TNNI3K: variants seen among roughly 807,000 people sequenced by gnomAD.
TNNI3K encodes the protein TNNI3 interacting kinase.
A neutral mutation model predicts 114.5 loss-of-function variants in TNNI3K; 140 were observed. The observed-to-expected ratio is 1.22, with a 90% CI of 1.07 to 1.41. TNNI3K has a LOEUF of 1.41. Among genes scored for constraint, TNNI3K ranks in the 40% most tolerant of loss-of-function variants. TNNI3K has a pLI of 0.00. For synonymous variants in TNNI3K, 347 were observed against 347.5 expected, an observed-to-expected ratio of 1.00 and a Z score of 0.02; for missense variants, 1,125 against 1,007.6, an observed-to-expected ratio of 1.12 and a Z score of -1.58.
chr1:74,485,994 A>G (rs1371560656), intron 21 of TNNI3K, among the ~76,000 whole-genome samples: 2 of 152,180 alleles, frequency 1.3e-5, no homozygotes, highest in Non-Finnish European at 2.9e-5. Flanking sequence ...CGGCTAATCT[A>G]TACTGGACTC....
At chr1:74,495,795 C>T (rs1271013460) in intron 23 of TNNI3K, among the ~76,000 whole-genome samples, 1 of 152,118 alleles carries the variant, frequency 6.6e-6, no homozygotes, top group African/African-American at 2.4e-5. Flanking sequence ...AATATTTTGC[C>T]AATACTTGTA....
At chr1:74,244,008 A>T (rs1444623347) in intron 2 of TNNI3K, among the ~76,000 whole-genome samples, 1 of 152,154 alleles carries the variant, frequency 6.6e-6, no homozygotes, top group African/African-American at 2.4e-5. Flanking sequence ...GAGGCAAAAG[A>T]AGAGAAAATG....
chr1:74,239,516 T>A (rs1252595012), intron 2 of TNNI3K, among the ~76,000 whole-genome samples: 1 of 152,150 alleles, frequency 6.6e-6, no homozygotes, highest in African/African-American at 2.4e-5. Flanking sequence ...TATGTTATGT[T>A]GCCTGACATC....
At chr1:74,469,911 T>G (rs887377703) in intron 21 of TNNI3K, 7 of 400,548 alleles carry the variant, frequency 1.7e-5, no homozygotes, top group Admixed American at 4.4e-5. Context: ...TAGTAGCATA[T>G]TCAGCAGATG....
chr1:74,277,610 A>G (rs190861533), intron 5 of TNNI3K, among the ~76,000 whole-genome samples: 1 of 152,270 alleles, frequency 6.6e-6, no homozygotes, highest in Admixed American at 6.5e-5. Flanking sequence ...AACACTTTAT[A>G]CTTAAATAAC....
At chr1:74,357,379 A>G (rs1429802869) in intron 11 of TNNI3K, among the ~76,000 whole-genome samples, 2 of 152,156 alleles carry the variant, frequency 1.3e-5, no homozygotes, top group African/African-American at 4.8e-5. Context: ...CTCTTAACAG[A>G]AAACCATGCA....
chr1:74,443,019 G>A (rs1297852935), intron 20 of TNNI3K, among the ~76,000 whole-genome samples: 1 of 151,912 alleles, frequency 6.6e-6, no homozygotes, highest in East Asian at 1.9e-4. Context: ...AAGCAGCGTT[G>A]AGATAAATTT....
chr1:74,331,368 T>G lies in TNNI3K; in HGVS notation c.445-82T>G, dbSNP rs1423130174. The G allele has an allele frequency of 2.1e-6, 3 of 1,399,042 alleles. No individual in the cohort carries two copies. In the East Asian group the frequency reaches 7.5e-5, roughly 35 times the overall value. 86.7% of individuals were successfully genotyped at this position (1,399,042 alleles called of 1,614,324 possible). ...TAGGGTGGCAACTCCTGATGAAGAT[T>G]TGTGCATGGTGGTTGTAAACTGAAT... On this transcript the variant is annotated intron_variant, in intron 5 of 24. Coordinates refer to ENST00000326637, the MANE Select transcript of TNNI3K (RefSeq NM_015978.3).
In TNNI3K at chr1:74,384,045, T is replaced by A. The variant is rs78837006; in HGVS notation, c.1772+13653T>A. On this transcript the variant is annotated intron_variant, in intron 17 of 24. Transcript: ENST00000326637. ...AGTCAGATAATCCAAAATATAGGGA[T>A]GTATAGTCATTTGGCCCCACAAAAC... 6.3e-3 allele frequency among the ~76,000 whole-genome samples: 961 copies of A among 152,208 alleles called. 13 individuals carry two copies. The highest frequency in any genetic ancestry group is 0.022 in the African/African-American group (920 of 41,530).
intron 23 of TNNI3K, among the ~76,000 whole-genome samples, chr1:74,514,846 C>T (rs980748021): frequency 6.6e-6 from 1 of 152,010 alleles, no homozygotes; most frequent in East Asian, 1.9e-4. Context: ...AAAATGTGAC[C>T]CTATTTGGAA....
intron 4 of TNNI3K, among the ~76,000 whole-genome samples, chr1:74,266,228 G>A (rs1247393869): frequency 6.6e-6 from 1 of 152,110 alleles, no homozygotes; most frequent in East Asian, 1.9e-4. Flanking sequence ...TTAACACACT[G>A]ACTGGAATAA....
intron 4 of TNNI3K, among the ~76,000 whole-genome samples, chr1:74,267,102 C>T (rs1218634237): frequency 6.6e-6 from 1 of 151,906 alleles, no homozygotes; most frequent in East Asian, 1.9e-4. Context: ...TTGTCAGTTT[C>T]CACAAGACTC....
At chr1:74,391,989 G>A (rs1395809250) in intron 17 of TNNI3K, among the ~76,000 whole-genome samples, 15 of 109,292 alleles carry the variant, frequency 1.4e-4, no homozygotes, top group Non-Finnish European at 2.1e-4. Flanking sequence ...TTTTTGAGAC[G>A]GAGTCTCGCT....
chr1:74,530,048 T>C (rs1646560273), intron 23 of TNNI3K, among the ~76,000 whole-genome samples: 1 of 152,152 alleles, frequency 6.6e-6, no homozygotes, highest in Admixed American at 6.5e-5. Flanking sequence ...CACTGCAACC[T>C]CTACCTCCTG....
intron 17 of TNNI3K, among the ~76,000 whole-genome samples, chr1:74,404,026 C>T (rs1358190273): frequency 6.6e-6 from 1 of 152,080 alleles, no homozygotes; most frequent in African/African-American, 2.4e-5. Flanking sequence ...ACTGCCCACC[C>T]CAATGTCCTT....
chr1:74,467,770 A>G (rs1385064551), intron 21 of TNNI3K, among the ~76,000 whole-genome samples: 6 of 152,164 alleles, frequency 3.9e-5, no homozygotes, highest in Non-Finnish European at 8.8e-5. Flanking sequence ...TGTATTCCAG[A>G]TTACCCTGGA....
chr1:74,439,955 G>A (rs1666302965), intron 20 of TNNI3K, among the ~76,000 whole-genome samples: 2 of 151,928 alleles, frequency 1.3e-5, no homozygotes, highest in Non-Finnish European at 2.9e-5. Flanking sequence ...ATTTTTTGAG[G>A]TGAGATTTTA....
At chr1:74,400,849 C>T in intron 17 of TNNI3K, among the ~76,000 whole-genome samples, 1 of 152,184 alleles carries the variant, frequency 6.6e-6, no homozygotes, top group Non-Finnish European at 1.5e-5. Flanking sequence ...GAGCTACTAC[C>T]ATTCAATTGG....
intron 17 of TNNI3K, among the ~76,000 whole-genome samples, chr1:74,408,821 G>T (rs141538387): frequency 1.4e-4 from 22 of 152,252 alleles, no homozygotes; most frequent in Non-Finnish European, 1.2e-4. Flanking sequence ...TAACATTTAA[G>T]TAGATAATTT....
Sources: gnomAD v4.1 joint callset for allele counts (sites outside exome capture counted in the v4.1 genomes callset) on GRCh38, gnomAD v4.1.1 for gene constraint, MANE v1.5 for transcripts, NCBI Gene and HGNC (gene_info 2026-07-23, HGNC 2026-07-21) for gene names.